ESYT2: variants seen among roughly 807,000 people sequenced by gnomAD.
The protein encoded by ESYT2 is extended synaptotagmin 2.
In ESYT2, 54 loss-of-function variants were observed where a neutral mutation model predicts 107.2. The ratio of observed to expected loss-of-function variants is 0.50; its 90% CI spans 0.40 to 0.63. ESYT2 has a LOEUF of 0.63. Among genes scored for constraint, ESYT2 ranks in the 30% least tolerant of loss-of-function variants. The pLI, the probability that ESYT2 is intolerant of heterozygous loss-of-function variation, is 0.00. For synonymous variants in ESYT2, 491 were observed against 434.1 expected, an observed-to-expected ratio of 1.13 and a Z score of -1.63; for missense variants, 1,020 against 1,094.5, an observed-to-expected ratio of 0.93 and a Z score of 0.96.
chr7:158,805,917 T>C (rs1021679578), intron 1 of ESYT2, among the ~76,000 whole-genome samples: 4 of 152,252 alleles, frequency 2.6e-5, no homozygotes, highest in Admixed American at 6.5e-5. Flanking sequence ...TGTTGCTTTC[T>C]TATGTCACCT....
At chr7:158,806,164 G>A (rs567714885) in intron 1 of ESYT2, among the ~76,000 whole-genome samples, 14 of 152,232 alleles carry the variant, frequency 9.2e-5, no homozygotes, top group South Asian at 2.1e-4. Flanking sequence ...AGGCGCTGGC[G>A]CACAATGCGT....
chr7:158,757,440 G>T (rs1393156183), intron 13 of ESYT2, among the ~76,000 whole-genome samples: 1 of 152,220 alleles, frequency 6.6e-6, no homozygotes, highest in Non-Finnish European at 1.5e-5. Context: ...TGCCCTTAGG[G>T]CAGTGGAGCC....
At chr7:158,800,093 G>A (rs889649532) in intron 1 of ESYT2, among the ~76,000 whole-genome samples, 1 of 146,028 alleles carries the variant, frequency 6.8e-6, no homozygotes, top group Admixed American at 7.0e-5. Context: ...ACTGTCACCA[G>A]GCTGGAGTGC....
intron 1 of ESYT2, among the ~76,000 whole-genome samples, chr7:158,804,678 A>G (rs184452118): frequency 1.3e-5 from 2 of 151,668 alleles, no homozygotes; most frequent in African/African-American, 2.4e-5. Context: ...TGACAAACCC[A>G]AACTGTTGAC....
At chr7:158,794,970 C>G (rs1377043921) in intron 3 of ESYT2, among the ~76,000 whole-genome samples, 1 of 152,156 alleles carries the variant, frequency 6.6e-6, no homozygotes, top group Non-Finnish European at 1.5e-5. Context: ...ACAGACTGCA[C>G]TAAAAAACAC....
At chr7:158,771,404 A>C (rs535043798) in intron 7 of ESYT2, among the ~76,000 whole-genome samples, 3 of 152,356 alleles carry the variant, frequency 2.0e-5, no homozygotes, top group African/African-American at 7.2e-5. Context: ...GGATGCCCCC[A>C]TTCACTGGAA....
chr7:158,780,089 G>A (rs1284078150), intron 6 of ESYT2, among the ~76,000 whole-genome samples: 1 of 152,102 alleles, frequency 6.6e-6, no homozygotes, highest in African/African-American at 2.4e-5. Flanking sequence ...AAACTTTAAA[G>A]TACAATTTGG....
chr7:158,755,264 G>A (rs541853148), intron 13 of ESYT2, among the ~76,000 whole-genome samples: 34 of 152,188 alleles, frequency 2.2e-4, no homozygotes, highest in Non-Finnish European at 4.6e-4. Context: ...AGCCCTCTGG[G>A]GAAAACTGAG....
chr7:158,761,457 C>T (rs780975346), intron 11 of ESYT2, 39 bp downstream of exon 11: 1 of 1,607,550 alleles, frequency 6.2e-7, no homozygotes, highest in Admixed American at 1.7e-5. Context: ...GGGACTCAGT[C>T]AACAATTGTA....
rs111575057 is a variant in ESYT2, at chr7:158,806,103, G to A, written c.331-7031C>T. ...TGGGAGGCGCCGGGGCACACCGCGT[G>A]GGAGGCGCCGGGGCACACCGCGTGG... On this transcript the variant is annotated intron_variant, in intron 1 of 22. Transcript: ENST00000275418. Among the ~76,000 whole-genome samples, 699 of 151,708 alleles carry A rather than the reference G, an allele frequency of 4.6e-3. 5 individuals carry two copies. Among genetic ancestry groups the A allele is most frequent in the African/African-American group, 0.014 (575 of 41,270 alleles).
rs957676914 is a variant in ESYT2, at chr7:158,807,204, T to C, written c.331-8132A>G. On this transcript the variant is annotated intron_variant, in intron 1 of 22. Coordinates refer to ENST00000275418, the MANE Select transcript of ESYT2 (RefSeq NM_001367773.1). ...AGGCAGGGTTTGTAGCGAGCCGATATCGCACCACTGCACTCCAGCCTGGGC... is the reference window on the plus strand; with the variant it reads ...AGGCAGGGTTTGTAGCGAGCCGATACCGCACCACTGCACTCCAGCCTGGGC... 2.2e-4 allele frequency among the ~76,000 whole-genome samples: 31 copies of C among 138,372 alleles called. No individual in the cohort carries two copies. In the South Asian group the frequency reaches 2.3e-3, roughly 10 times the overall value. The allele number at this position is 138,372 out of a possible 152,430, so 90.8% of individuals were successfully genotyped here. A position where few individuals can be genotyped will look rare whatever the true frequency, so the allele number is the denominator to read the frequency against.
chr7:158,799,040 C>A lies in ESYT2; in HGVS notation c.363G>T (p.Trp121Cys). The A allele has an allele frequency of 6.2e-7, 1 of 1,613,514 alleles. No individual in the cohort carries two copies. The highest frequency in any genetic ancestry group is 8.5e-7 in the Non-Finnish European group (1 of 1,179,574). ...VHFPDTERAE[W>C]LNKTVKHMWP... ...TATACTCTAATCTTACCTTATTTAG[C>A]CATTCTGCTCTTTCAGTGTCTGGAA... is the stretch of plus-strand genomic sequence containing the variant. The change falls in exon 2 of 23, where the codon TGG becomes TGT. Residue 121 changes from tryptophan (W) to cysteine (C), a missense_variant. Transcript: ENST00000275418.
intron 5 of ESYT2, 123 bp downstream of exon 5, chr7:158,788,222 T>C: frequency 8.5e-7 from 1 of 1,171,156 alleles, no homozygotes; most frequent in Non-Finnish European, 1.2e-6. Flanking sequence ...AACTATGACC[T>C]ACAGCTAAAA....
intron 1 of ESYT2, among the ~76,000 whole-genome samples, chr7:158,808,369 G>A (rs1241357356): frequency 5.9e-5 from 9 of 152,222 alleles, no homozygotes; most frequent in Non-Finnish European, 8.8e-5. Context: ...TGTCTTGATC[G>A]TCAGCTCAAG....
chr7:158,807,708 G>A (rs1016775607), intron 1 of ESYT2, among the ~76,000 whole-genome samples: 2 of 152,170 alleles, frequency 1.3e-5, no homozygotes, highest in African/African-American at 4.8e-5. Context: ...CGGGCCATGA[G>A]GTCTCTGTCA....
intron 14 of ESYT2, among the ~76,000 whole-genome samples, chr7:158,751,198 C>A (rs536993796): frequency 1.4e-4 from 22 of 152,234 alleles, no homozygotes; most frequent in African/African-American, 4.8e-4. Context: ...CAATTTATTT[C>A]GCTTCCATTT....
chr7:158,828,157 T>A (rs1455567444), intron 1 of ESYT2, among the ~76,000 whole-genome samples: 1 of 152,156 alleles, frequency 6.6e-6, no homozygotes, highest in Non-Finnish European at 1.5e-5. Flanking sequence ...ATCTAATATC[T>A]CCACATCTTT....
At chr7:158,738,891 T>G in intron 19 of ESYT2, 132 bp downstream of exon 19, 1 of 918,050 alleles carries the variant, frequency 1.1e-6, no homozygotes, top group Non-Finnish European at 1.7e-6. Flanking sequence ...TCTCTAGAGG[T>G]TTAATTGCTT....
intron 7 of ESYT2, among the ~76,000 whole-genome samples, chr7:158,769,032 G>A (rs1040037407): frequency 7.9e-5 from 12 of 151,946 alleles, no homozygotes; most frequent in African/African-American, 2.2e-4. Flanking sequence ...TTTGCTTCTC[G>A]CCCGTAATGT....
Sources: allele counts gnomAD v4.1 joint callset (sites outside exome capture counted in the v4.1 genomes callset), GRCh38; gene constraint gnomAD v4.1.1; transcripts MANE v1.5; gene names NCBI Gene and HGNC (gene_info 2026-07-23, HGNC 2026-07-21).